Variants in ACTR3B observed in about 807,000 individuals in gnomAD.
ACTR3B encodes actin-related protein 3B.
Under a neutral mutation model 59.0 loss-of-function variants are expected in ACTR3B, and 8 were observed. The ratio of observed to expected loss-of-function variants is 0.14; its 90% CI spans 0.08 to 0.24. The LOEUF is 0.24. Ranked by LOEUF, ACTR3B falls within the 10% of genes least tolerant of loss-of-function variation. The probability of loss-of-function intolerance (pLI) is 1.00; values close to 1 mark genes in which losing one functional copy is unlikely to be tolerated. For missense variants in ACTR3B, 245 were observed against 552.3 expected (o/e 0.44, Z 5.58); for synonymous variants, 148 against 197.9 (o/e 0.75, Z 2.12).
At chr7:152,793,113 G>A (rs2098203030) in intron 2 of ACTR3B, among the ~76,000 whole-genome samples, 1 of 140,856 alleles carries the variant, frequency 7.1e-6, no homozygotes, top group South Asian at 2.4e-4. Flanking sequence ...TTTTGTTTCG[G>A]GTTAACTTAT....
rs1439078197 is a variant in ACTR3B at position 152,791,044 on chromosome 7, T to C, written c.100+7802T>C. On this transcript the variant is annotated intron_variant, in intron 2 of 11. Transcript: ENST00000256001. The stretch of plus-strand genomic sequence containing the variant: ...TTTTTTTTTTTTTGAGACAGAGTCT[T>C]GCTCTGTCGCCCAGGCTGGAGTACA... 3.3e-5 allele frequency among the ~76,000 whole-genome samples: 5 copies of C among 151,608 alleles called. No individual in the cohort carries two copies. In the South Asian group the frequency reaches 1.0e-3, roughly 32 times the overall value.
intron 9 of ACTR3B, 109 bp from the exon 10 acceptor site, chr7:152,852,017 T>G: frequency 3.5e-6 from 5 of 1,420,318 alleles, no homozygotes; most frequent in Non-Finnish European, 4.9e-6. Context: ...ATAGGGCCGA[T>G]GTGTCGTGCC....
At chr7:152,776,515 TAAG>T (rs2098136578) in intron 1 of ACTR3B, among the ~76,000 whole-genome samples, 1 of 151,114 alleles carries the variant, frequency 6.6e-6, no homozygotes, top group South Asian at 2.1e-4. Context: ...CACAAATTGA[TAAG>T]AAGCACTAAA....
chr7:152,843,915 G>A (rs997082832), intron 9 of ACTR3B, among the ~76,000 whole-genome samples: 1 of 152,182 alleles, frequency 6.6e-6, no homozygotes, highest in African/African-American at 2.4e-5. Context: ...GATGCTCCCC[G>A]CTCCTAGATG....
At chr7:152,851,290 C>T (rs1285813525) in intron 9 of ACTR3B, among the ~76,000 whole-genome samples, 1 of 152,230 alleles carries the variant, frequency 6.6e-6, no homozygotes, top group Admixed American at 6.5e-5. Flanking sequence ...GTACCATACT[C>T]ACCCTTCCTC....
At chr7:152,808,016 CG>C (rs2098257849) in intron 4 of ACTR3B, among the ~76,000 whole-genome samples, 1 of 152,204 alleles carries the variant, frequency 6.6e-6, no homozygotes, top group East Asian at 1.9e-4. Flanking sequence ...ACTCTGTCCC[CG>C]TTGAACACGA....
intron 1 of ACTR3B, among the ~76,000 whole-genome samples, chr7:152,765,180 C>T (rs2689520): frequency 7.8e-6 from 1 of 128,524 alleles, no homozygotes; most frequent in Non-Finnish European, 1.6e-5. Flanking sequence ...TAGAATGGCG[C>T]GATCTTGGCT....
intron 9 of ACTR3B, among the ~76,000 whole-genome samples, chr7:152,829,346 A>G (rs1247614855): frequency 6.6e-6 from 1 of 152,146 alleles, no homozygotes; most frequent in African/African-American, 2.4e-5. Flanking sequence ...CCCTTTGACT[A>G]ACATCTCCCC....
chr7:152,774,000 C>G (rs1448133609), intron 1 of ACTR3B, among the ~76,000 whole-genome samples: 1 of 152,228 alleles, frequency 6.6e-6, no homozygotes, highest in African/African-American at 2.4e-5. Flanking sequence ...GGCTCGTTCT[C>G]AGCTCTTGCC....
chr7:152,844,240 T>A (rs1798091489), intron 9 of ACTR3B, among the ~76,000 whole-genome samples: 2 of 152,026 alleles, frequency 1.3e-5, no homozygotes, highest in African/African-American at 4.8e-5. Context: ...GTATTTTTAG[T>A]AGAGATGGGG....
intron 1 of ACTR3B, among the ~76,000 whole-genome samples, chr7:152,781,369 C>G (rs184971269): frequency 6.6e-6 from 1 of 151,876 alleles, no homozygotes; most frequent in Non-Finnish European, 1.5e-5. Context: ...GGCGGTTTGA[C>G]AATGATTACC....
At chr7:152,852,306 G>T in intron 10 of ACTR3B, 55 bp downstream of exon 10, 1 of 1,544,554 alleles carries the variant, frequency 6.5e-7, no homozygotes, top group Non-Finnish European at 8.7e-7. Context: ...AGGCCTGACC[G>T]GGGCCCTCCT....
chr7:152,809,624 C>T (rs1240008957), intron 4 of ACTR3B, among the ~76,000 whole-genome samples: 1 of 151,986 alleles, frequency 6.6e-6, no homozygotes, highest in Non-Finnish European at 1.5e-5. Context: ...TCACCGCAAC[C>T]TCCGCCTCCC....
At chr7:152,846,273 C>CG (rs1255359681) in intron 9 of ACTR3B, among the ~76,000 whole-genome samples, 3 of 136,962 alleles carry the variant, frequency 2.2e-5, no homozygotes, top group Non-Finnish European at 4.6e-5. Flanking sequence ...CCCCAGCGCC[C>CG]GGGCTGCAGT....
chr7:152,818,795 C>T (rs1393900997), intron 6 of ACTR3B, among the ~76,000 whole-genome samples: 1 of 152,248 alleles, frequency 6.6e-6, no homozygotes, highest in East Asian at 1.9e-4. Flanking sequence ...CGTGCACACA[C>T]ACACACTTTA....
chr7:152,776,223 CAT>C (rs1329366387), intron 1 of ACTR3B, among the ~76,000 whole-genome samples: 1 of 144,334 alleles, frequency 6.9e-6, no homozygotes, highest in African/African-American at 2.6e-5. Flanking sequence ...TGCTTATATA[CAT>C]ATGTTTGGGA....
chr7:152,853,696 C>G, intron 11 of ACTR3B, 119 bp downstream of exon 11: 1 of 819,928 alleles, frequency 1.2e-6, no homozygotes, highest in Admixed American at 2.5e-5. Context: ...CTAAACAGAC[C>G]ATTCTGTAAG....
Position 152,824,121 on chromosome 7 carries a change from AT to A in ACTR3B, c.858+610del, listed in dbSNP as rs1484883993. On this transcript the variant is annotated intron_variant, in intron 8 of 11. Coordinates refer to ENST00000256001, the MANE Select transcript of ACTR3B (RefSeq NM_020445.6). This position sits in a 1 kb window ranked among gnomAD's most constrained non-coding sequence, Gnocchi z 4.2. ...ACATTTTAAGATTTACATATAATGC[AT>A]TTTATTTATATTTTGGTATATATTC... Among the ~76,000 whole-genome samples the A allele has an allele frequency of 6.6e-6, 1 of 152,260 alleles. No homozygotes were observed. The highest frequency in any genetic ancestry group is 2.4e-5 in the African/African-American group (1 of 41,476).
At chr7:152,766,086 C>G (rs1428391636) in intron 1 of ACTR3B, among the ~76,000 whole-genome samples, 1 of 152,008 alleles carries the variant, frequency 6.6e-6, no homozygotes, top group Admixed American at 6.6e-5. Context: ...AAGGTCTGTT[C>G]AGGGGTTCCG....
Sources: gnomAD v4.1 joint callset for allele counts (sites outside exome capture counted in the v4.1 genomes callset) on GRCh38, gnomAD v4.1.1 for gene constraint, Gnocchi (gnomAD v3.1) non-coding constraint, MANE v1.5 for transcripts, NCBI Gene and HGNC (gene_info 2026-07-23, HGNC 2026-07-21) for gene names.